Variants in TAMM41 observed in about 807,000 individuals in gnomAD.
TAMM41 encodes the protein phosphatidate cytidylyltransferase, mitochondrial.
A neutral mutation model predicts 44.1 loss-of-function variants in TAMM41; 36 were observed. That is an observed-to-expected ratio of 0.82 (90% CI 0.63 to 1.08). The LOEUF is 1.08. TAMM41 is among the 50% of genes least tolerant of loss of function. The pLI, the probability that TAMM41 is intolerant of heterozygous loss-of-function variation, is 0.00. For synonymous variants in TAMM41, 164 were observed against 153.1 expected, an observed-to-expected ratio of 1.07 and a Z score of -0.53; for missense variants, 417 against 404.3, an observed-to-expected ratio of 1.03 and a Z score of -0.27.
chr3:11,816,569 G>A (rs192639279), intron 5 of TAMM41, among the ~76,000 whole-genome samples: 205 of 152,284 alleles, frequency 1.3e-3, no homozygotes, highest in Admixed American at 4.1e-3. Context: ...TTTGAGACCA[G>A]CCTGTGCAAC....
intron 2 of TAMM41, among the ~76,000 whole-genome samples, chr3:11,842,655 C>G (rs1293682558): frequency 6.6e-6 from 1 of 151,868 alleles, no homozygotes; most frequent in African/African-American, 2.4e-5. Context: ...GATGGTGCCA[C>G]TGCATTCTAG....
chr3:11,835,663 A>C (rs187275719), intron 3 of TAMM41, among the ~76,000 whole-genome samples: 3 of 152,244 alleles, frequency 2.0e-5, no homozygotes, highest in Non-Finnish European at 2.9e-5. Context: ...CATTCTAAGC[A>C]TAAAGTATAA....
chr3:11,741,150 C>T, the TAMM41 span, among the ~76,000 whole-genome samples: 2 of 127,518 alleles, frequency 1.6e-5, no homozygotes, highest in Admixed American at 9.5e-5. Context: ...ACCTGGGAGG[C>T]AGAGGTTGCA....
At chr3:11,733,000 G>GTTTTTTTTTTT in the TAMM41 span, among the ~76,000 whole-genome samples, 1 of 85,550 alleles carries the variant, frequency 1.2e-5, no homozygotes. Context: ...TTTTTTTTTT[G>GTTTTTTTTTTT]TTTGTTTGTT....
At chr3:11,752,625 C>CT in the TAMM41 span, among the ~76,000 whole-genome samples, 5,413 of 39,850 alleles carry the variant, frequency 0.14, 2,027 homozygotes, top group Non-Finnish European at 0.19. Flanking sequence ...TCTTACAAAG[C>CT]TTTTTTTTTT....
chr3:11,754,178 T>G, the TAMM41 span, among the ~76,000 whole-genome samples: 1 of 151,984 alleles, frequency 6.6e-6, no homozygotes, highest in Non-Finnish European at 1.5e-5. Flanking sequence ...TGTCTGTATA[T>G]CCTGTGGGTT....
intron 4 of TAMM41, among the ~76,000 whole-genome samples, chr3:11,822,773 T>C (rs1435298923): frequency 6.6e-6 from 1 of 152,270 alleles, no homozygotes; most frequent in Non-Finnish European, 1.5e-5. Flanking sequence ...CAATTTTATT[T>C]ATCCATTTCT....
intron 7 of TAMM41, among the ~76,000 whole-genome samples, chr3:11,795,523 T>C (rs928402137): frequency 6.6e-6 from 1 of 152,204 alleles, no homozygotes; most frequent in African/African-American, 2.4e-5. Context: ...ATCTATTTGG[T>C]CTCCCTCGCA....
chr3:11,729,749 A>C, the TAMM41 span, among the ~76,000 whole-genome samples: 1 of 151,186 alleles, frequency 6.6e-6, no homozygotes, highest in Non-Finnish European at 1.5e-5. Context: ...TAGTAGAGAC[A>C]GAGTTTCACC....
At chr3:11,748,906 A>G in the TAMM41 span, among the ~76,000 whole-genome samples, 4 of 126,936 alleles carry the variant, frequency 3.2e-5, no homozygotes, top group Non-Finnish European at 6.3e-5. Flanking sequence ...CACCCTGGGA[A>G]GTAGATTTTT....
At chr3:11,785,253 A>G in the TAMM41 span, among the ~76,000 whole-genome samples, 1 of 152,158 alleles carries the variant, frequency 6.6e-6, no homozygotes, top group Non-Finnish European at 1.5e-5. Context: ...GATAGGAGGA[A>G]GAGAAGTTCC....
chr3:11,833,959 T>C (rs1327865751), intron 3 of TAMM41, among the ~76,000 whole-genome samples: 3 of 152,160 alleles, frequency 2.0e-5, no homozygotes, highest in Non-Finnish European at 4.4e-5. Context: ...TATTAAAAAA[T>C]AGGCCAGACA....
chr3:11,785,608 G>A (rs1035178574), downstream of TAMM41, among the ~76,000 whole-genome samples: 1 of 151,892 alleles, frequency 6.6e-6, no homozygotes, highest in East Asian at 1.9e-4. Context: ...ACAGGTGTGA[G>A]CCACCGTGCC....
the TAMM41 span, among the ~76,000 whole-genome samples, chr3:11,757,896 C>T: frequency 6.6e-6 from 1 of 152,162 alleles, no homozygotes; most frequent in Non-Finnish European, 1.5e-5. Flanking sequence ...ATAGCAGGGT[C>T]CTCGTTGTTT....
intron 7 of TAMM41, among the ~76,000 whole-genome samples, chr3:11,791,720 G>A (rs2077481753): frequency 6.6e-6 from 1 of 152,148 alleles, no homozygotes; most frequent in Admixed American, 6.5e-5. Flanking sequence ...TCCACTTAGA[G>A]CCTTGGAAAA....
At chr3:11,796,393 A>G (rs904684480) in intron 7 of TAMM41, among the ~76,000 whole-genome samples, 1 of 152,178 alleles carries the variant, frequency 6.6e-6, no homozygotes, top group Non-Finnish European at 1.5e-5. Flanking sequence ...ATAGTCATAG[A>G]GTGAAGAAAT....
chr3:11,822,633 T>A lies in TAMM41; in HGVS notation c.563-5296A>T, dbSNP rs537421757. ...GCCTATTCTGGACATTTTATACACA[T>A]TGAATTATACACTATCTGGAGTTAT... On this transcript the variant is annotated intron_variant, in intron 4 of 7. Coordinates refer to ENST00000455809, the MANE Select transcript of TAMM41 (RefSeq NM_001284401.2). Among the ~76,000 whole-genome samples the A allele has an allele frequency of 2.0e-5, 3 of 152,332 alleles. No homozygotes were observed. In the South Asian group the frequency reaches 6.2e-4, roughly 32 times the overall value.
intron 5 of TAMM41, chr3:11,811,513 G>C (rs1270309967): frequency 2.0e-5 from 3 of 152,186 alleles, no homozygotes; most frequent in Non-Finnish European, 4.4e-5. Context: ...GAAAGCATGA[G>C]TGTAAAGATA....
chr3:11,770,723 G>T, the TAMM41 span, among the ~76,000 whole-genome samples: 1 of 152,180 alleles, frequency 6.6e-6, no homozygotes, highest in African/African-American at 2.4e-5. Context: ...AACAGAGCAC[G>T]CTTAGAGCAG....
Sources: gnomAD v4.1 joint callset for allele counts (sites outside exome capture counted in the v4.1 genomes callset) on GRCh38, gnomAD v4.1.1 for gene constraint, MANE v1.5 for transcripts, NCBI Gene and HGNC (gene_info 2026-07-23, HGNC 2026-07-21) for gene names.